RNF213: variants seen among roughly 807,000 people sequenced by gnomAD.
RNF213 encodes the protein E3 ubiquitin-protein ligase RNF213.
A neutral mutation model predicts 514.4 loss-of-function variants in RNF213; 341 were observed. The observed-to-expected ratio is 0.66, with a 90% CI of 0.61 to 0.73. RNF213 has a LOEUF of 0.73. RNF213 is among the 30% of genes least tolerant of loss of function. The pLI, the probability that RNF213 is intolerant of heterozygous loss-of-function variation, is 0.00. For synonymous variants in RNF213, 2,655 were observed against 2,658.2 expected, an observed-to-expected ratio of 1.00 and a Z score of 0.04; for missense variants, 5,767 against 6,615.6, an observed-to-expected ratio of 0.87 and a Z score of 4.45.
At chr17:80,278,698 A>G (rs980592540) in intron 3 of RNF213, 87 of 1,517,030 alleles carry the variant, frequency 5.7e-5, no homozygotes, top group Middle Eastern at 3.4e-4. Flanking sequence ...GGTCTTTGCG[A>G]GTCTACTGGA....
Position 80,307,220 on chromosome 17 carries a change from G to A in RNF213, c.2501+19G>A. 6.2e-7 allele frequency: 1 copy of A among 1,612,946 alleles called. No individual in the cohort carries two copies. Among genetic ancestry groups the A allele is most frequent in the South Asian group, 1.1e-5 (1 of 91,032 alleles). On this transcript the variant is annotated intron_variant, in intron 13 of 67. Coordinates refer to ENST00000582970, the MANE Select transcript of RNF213 (RefSeq NM_001256071.3). ...GGGACAAGTAAGTGGAAAGCACGAT[G>A]CAGTCTCTCCCTCACATGCGGCCCC...
intron 54 of RNF213, among the ~76,000 whole-genome samples, chr17:80,378,107 G>A (rs1769146599): frequency 6.6e-6 from 1 of 152,328 alleles, no homozygotes. Context: ...CAGTGTGACA[G>A]CTAAAACCAG....
In RNF213 at chr17:80,343,689, T is replaced by G. The variant is rs1201846292; in HGVS notation, c.6184-168T>G. On this transcript the variant is annotated intron_variant, in intron 27 of 67. Transcript: ENST00000582970. The surrounding 1 kb of genome is among the most constrained non-coding windows in gnomAD (Gnocchi z 4.3). ...AAAATGGTACAGGGAAATATAGTATTAGGATTTTATGGGGCTGCCCTTGGA... is the reference window on the plus strand; with the variant it reads ...AAAATGGTACAGGGAAATATAGTATGAGGATTTTATGGGGCTGCCCTTGGA... Among the ~76,000 whole-genome samples, 1 of 152,188 alleles carries G rather than the reference T, an allele frequency of 6.6e-6. No homozygotes were observed. Among genetic ancestry groups the G allele is most frequent in the Admixed American group, 6.5e-5 (1 of 15,270 alleles).
chr17:80,303,293 T>C (rs2045241473), intron 11 of RNF213, among the ~76,000 whole-genome samples: 1 of 152,006 alleles, frequency 6.6e-6, no homozygotes, highest in Non-Finnish European at 1.5e-5. Context: ...AGAACAGAGG[T>C]AATGACTGCA....
At chr17:80,293,782 G>A (rs933491130) in intron 8 of RNF213, among the ~76,000 whole-genome samples, 18 of 151,916 alleles carry the variant, frequency 1.2e-4, no homozygotes, top group African/African-American at 2.4e-5. Context: ...AGCCAAGATC[G>A]TGCCACTGCA....
At position 80,336,763 on chromosome 17, in the gene RNF213, G is replaced by A. The variant is rs117560597; in HGVS notation, c.4527+385G>A. Reference sequence around the variant, plus strand: ...AAAGTAAACATTTAAAATTAGCCAGGCATGGTGGTGTGCGCCTGTAATCCC... The same window carrying A: ...AAAGTAAACATTTAAAATTAGCCAGACATGGTGGTGTGCGCCTGTAATCCC... On this transcript the variant is annotated intron_variant, in intron 23 of 67. Transcript: ENST00000582970. 1,495 of 349,520 alleles carry A rather than the reference G, an allele frequency of 4.3e-3. 22 individuals carry two copies. The highest frequency in any genetic ancestry group is 0.017 in the South Asian group (762 of 44,866). 21.7% of individuals were successfully genotyped at this position (349,520 alleles called of 1,614,324 possible).
Position 80,398,691 on chromosome 17 carries a change from GAGAC to G in RNF213, c.*5199_*5202del, listed in dbSNP as rs1599239459. On this transcript the variant is annotated 3_prime_UTR_variant, in exon 68 of 68. Coordinates refer to ENST00000582970, the MANE Select transcript of RNF213 (RefSeq NM_001256071.3). Reference sequence around the variant, plus strand: ...AGACCAGCAGAGAGAGAAAGAGGAAGAGACAGACAAAGAGGGAGTCAGAGAGAGA... The same window carrying G: ...AGACCAGCAGAGAGAGAAAGAGGAAGAGACAAAGAGGGAGTCAGAGAGAGA... 1 of 143,324 alleles carries G rather than the reference GAGAC, an allele frequency of 7.0e-6. No homozygotes were observed. The highest frequency in any genetic ancestry group is 2.6e-5 in the African/African-American group (1 of 38,254). 8.9% of individuals were successfully genotyped at this position (143,324 alleles called of 1,614,324 possible). A position where few individuals can be genotyped will look rare whatever the true frequency, so the allele number is the denominator to read the frequency against.
chr17:80,388,858 G>A (rs192152984), intron 64 of RNF213, 169 bp downstream of exon 64: 6 of 685,590 alleles, frequency 8.8e-6, no homozygotes, highest in East Asian at 7.8e-5. Flanking sequence ...AAGTTTTCTT[G>A]TAGAGTAAAA....
Position 80,340,344 on chromosome 17 carries a change from C to T in RNF213, c.5977C>T (p.Arg1993Ter), listed in dbSNP as rs757934959. The part of the protein sequence containing the change: ...RLCVGIVASE[R>*]AGVGKSLYVK... Reference sequence around the variant, plus strand: ...GTGTGTTGGGATCGTGGCCTCGGAGCGAGCAGGTGTTGGTAAGGAGAGCGG... The same window carrying T: ...GTGTGTTGGGATCGTGGCCTCGGAGTGAGCAGGTGTTGGTAAGGAGAGCGG... The change falls in exon 26 of 68, where the codon CGA becomes TGA. Residue 1993 changes from arginine to a stop codon, truncating the protein, a stop_gained. Coordinates refer to ENST00000582970, the MANE Select transcript of RNF213 (RefSeq NM_001256071.3). LOFTEE classifies it high-confidence loss of function. The T allele has an allele frequency of 3.1e-6, 5 of 1,611,796 alleles. No individual in the cohort carries two copies. The highest frequency in any genetic ancestry group is 2.7e-5 in the African/African-American group (2 of 74,924).
intron 7 of RNF213, 51 bp from the exon 8 acceptor site, chr17:80,291,577 A>G: frequency 6.3e-7 from 1 of 1,582,906 alleles, no homozygotes; most frequent in Non-Finnish European, 8.7e-7. Flanking sequence ...AATAACTAAA[A>G]TTTCCGGGGT....
intron 46 of RNF213, among the ~76,000 whole-genome samples, chr17:80,371,235 G>C (rs111904941): frequency 2.0e-5 from 3 of 152,224 alleles, no homozygotes; most frequent in African/African-American, 7.2e-5. Flanking sequence ...CTAACCTCTA[G>C]ACATGACCAT....
intron 3 of RNF213, among the ~76,000 whole-genome samples, chr17:80,281,056 CTCACCCCAG>C (rs1363508414): frequency 6.6e-6 from 1 of 151,220 alleles, no homozygotes; most frequent in Non-Finnish European, 1.5e-5. Flanking sequence ...ACACACTCCA[CTCACCCCAG>C]TCACACACAC....
chr17:80,393,075 T>C (rs1440281630), intron 67 of RNF213, among the ~76,000 whole-genome samples: 2 of 152,104 alleles, frequency 1.3e-5, no homozygotes, highest in African/African-American at 2.4e-5. Context: ...CCTCCTGGAC[T>C]CAAGTGGTCC....
chr17:80,336,077 C>T, intron 22 of RNF213, 84 bp from the exon 23 acceptor site: 1 of 1,110,924 alleles, frequency 9.0e-7, no homozygotes. Context: ...TCCATTTCAG[C>T]TTCAGTAAGG....
Position 80,313,044 on chromosome 17 carries a change from TA to T in RNF213, c.2690del (p.Asn897IlefsTer91). The T allele has an allele frequency of 6.2e-7, 1 of 1,613,964 alleles. No homozygotes were observed. The part of the protein sequence containing the change: ...SAGQRDETGN[N>X]SVQTVFQGTL... Reference sequence around the variant, plus strand: ...CAGGACAGAGAGATGAAACTGGAAATAATTCAGTCCAAACAGTCTTCCAAGG... The same window carrying T: ...CAGGACAGAGAGATGAAACTGGAAATATTCAGTCCAAACAGTCTTCCAAGG... On this transcript the variant is annotated frameshift_variant, in exon 15 of 68. Transcript: ENST00000582970. LOFTEE classifies it high-confidence loss of function.
intron 20 of RNF213, 111 bp downstream of exon 20, chr17:80,328,588 A>ATTT: frequency 9.1e-7 from 1 of 1,098,880 alleles, no homozygotes; most frequent in Non-Finnish European, 1.2e-6. Flanking sequence ...AGGCTTTAAA[A>ATTT]TTTTTTTTTT....
rs2079989695 is a variant in RNF213 at position 80,381,270 on chromosome 17, T to C, written c.13798-277T>C. 8.4e-6 allele frequency: 5 copies of C among 594,278 alleles called. No homozygotes were observed. The Admixed American group carries it at 1.4e-4, about 17-fold the overall frequency. 36.8% of individuals were successfully genotyped at this position (594,278 alleles called of 1,614,324 possible). On this transcript the variant is annotated intron_variant, in intron 56 of 67. Coordinates refer to ENST00000582970, the MANE Select transcript of RNF213 (RefSeq NM_001256071.3). Reference sequence around the variant, plus strand: ...AGGCTGACATCTTCATTATTTTACCTGTGTCTTCATTGTAGCTAGGGAAGA... The same window carrying C: ...AGGCTGACATCTTCATTATTTTACCCGTGTCTTCATTGTAGCTAGGGAAGA...
rs1391063369 is a variant in RNF213 at position 80,339,993 on chromosome 17, C to G, written c.5626C>G (p.Leu1876Val). The change falls in exon 26 of 68, where the codon CTG becomes GTG. Residue 1876 changes from leucine to valine, a missense_variant. Around this residue, in one of 13 missense-constraint regions of RNF213, gnomAD observed 1,377 missense variants for 1,635.2 expected, o/e 0.84. Transcript: ENST00000582970. Reference protein sequence around the residue: ...TPATTFEEVALLLRRCLTLGS... With the variant: ...TPATTFEEVAVLLRRCLTLGS... ...GGCAACCACCTTTGAGGAGGTGGCA[C>G]TGTTGCTGCGCCGCTGCCTGACCCT... is the stretch of plus-strand genomic sequence containing the variant. 3 of 1,537,974 alleles carry G rather than the reference C, an allele frequency of 2.0e-6. No homozygotes were observed. The African/African-American group carries it at 4.1e-5, about 21-fold the overall frequency.
intron 10 of RNF213, among the ~76,000 whole-genome samples, chr17:80,297,313 G>C (rs1041048993): frequency 2.0e-5 from 3 of 151,968 alleles, no homozygotes; most frequent in Non-Finnish European, 2.9e-5. Context: ...AGCCGGGCGT[G>C]GTGGTGCATG....
Sources: gnomAD v4.1 joint callset for allele counts (sites outside exome capture counted in the v4.1 genomes callset) on GRCh38, gnomAD v4.1.1 for gene constraint, gnomAD v4.1.1 regional missense constraint, Gnocchi (gnomAD v3.1) non-coding constraint, MANE v1.5 for transcripts, NCBI Gene and HGNC (gene_info 2026-07-23, HGNC 2026-07-21) for gene names.